The following PRSS12 variants were observed in gnomAD, a reference collection of about 807,000 sequenced individuals.
The protein encoded by PRSS12 is serine protease 12.
PRSS12 carries 85 observed loss-of-function variants against 104.4 expected under a neutral mutation model. The ratio of observed to expected loss-of-function variants is 0.81; its 90% confidence interval spans 0.68 to 0.98. The LOEUF is 0.98. PRSS12 is among the 50% of genes least tolerant of loss of function. PRSS12 has a pLI of 0.00. For synonymous variants in PRSS12, 454 were observed against 425.2 expected (o/e 1.07, Z -0.83); for missense variants, 1,141 against 1,139.2 (o/e 1.00, Z -0.02).
intron 1 of PRSS12, among the ~76,000 whole-genome samples, chr4:118,342,707 A>G (rs1260335716): frequency 6.6e-6 from 1 of 152,220 alleles, no homozygotes; most frequent in Non-Finnish European, 1.5e-5. Flanking sequence ...ACCAAAAAAG[A>G]AAAAGGTCAA....
chr4:118,283,596 C>T (rs1252298062), intron 11 of PRSS12, among the ~76,000 whole-genome samples: 1 of 152,152 alleles, frequency 6.6e-6, no homozygotes, highest in Non-Finnish European at 1.5e-5. Flanking sequence ...AATGCAAACC[C>T]AAACTATACT....
At chr4:118,302,679 G>A (rs769437089) in intron 8 of PRSS12, among the ~76,000 whole-genome samples, 12 of 152,150 alleles carry the variant, frequency 7.9e-5, no homozygotes, top group South Asian at 2.1e-4. Context: ...TGCCCGCCGC[G>A]GCCTCCCAAA....
At chr4:118,316,827 A>AG in intron 5 of PRSS12, among the ~76,000 whole-genome samples, 1 of 93,210 alleles carries the variant, frequency 1.1e-5, no homozygotes, top group Non-Finnish European at 2.3e-5. Context: ...GTCTCACGGA[A>AG]AAAAAAAAAA....
At chr4:118,299,755 T>TAAAATAAATAAATA (rs1371033737) in intron 8 of PRSS12, among the ~76,000 whole-genome samples, 2 of 81,330 alleles carry the variant, frequency 2.5e-5, no homozygotes, top group Non-Finnish European at 5.1e-5. Context: ...ATAAATAAAA[T>TAAAATAAATAAATA]AAATAAAATT....
intron 1 of PRSS12, 67 bp downstream of exon 1, chr4:118,352,152 G>A (rs1724521313): frequency 6.3e-7 from 1 of 1,592,274 alleles, no homozygotes; most frequent in Non-Finnish European, 8.5e-7. Flanking sequence ...AGACCTGTAC[G>A]CCGGCCCCAA....
At chr4:118,351,803 T>C (rs7674055) in intron 1 of PRSS12, among the ~76,000 whole-genome samples, 82,324 of 151,950 alleles carry the variant, frequency 0.54, 24,553 homozygotes, top group Admixed American at 0.72. Context: ...CACGTTAATG[T>C]AACATTTCCC....
chr4:118,352,154 C>T (rs1433382897), intron 1 of PRSS12, 65 bp downstream of exon 1: 4 of 1,595,034 alleles, frequency 2.5e-6, no homozygotes, highest in African/African-American at 2.7e-5. Flanking sequence ...ACCTGTACGC[C>T]GGCCCCAAGC....
At chr4:118,322,743 G>C (rs891541300) in intron 4 of PRSS12, among the ~76,000 whole-genome samples, 1 of 151,918 alleles carries the variant, frequency 6.6e-6, no homozygotes, top group African/African-American at 2.4e-5. Flanking sequence ...GCTTGGAGTT[G>C]TGTGCCTGAG....
rs779861589 is a variant in PRSS12, at chr4:118,308,622, C to T, written c.1490-45G>A. The T allele has an allele frequency of 8.8e-6, 14 of 1,594,074 alleles. No individual in the cohort carries two copies. The African/African-American group carries it at 1.6e-4, about 18-fold the overall frequency. ...TATTAGAACAGCCCAAACATGCAAA[C>T]TGATTCTAAAGCATGAGCGACTCTA... On this transcript the variant is annotated intron_variant, in intron 7 of 12. Transcript: ENST00000296498.
At chr4:118,350,481 C>T (rs890839391) in intron 1 of PRSS12, among the ~76,000 whole-genome samples, 6 of 152,236 alleles carry the variant, frequency 3.9e-5, no homozygotes, top group African/African-American at 1.2e-4. Flanking sequence ...CACAGTTGAT[C>T]GTTTTCCTAT....
chr4:118,352,138 CAA>C (rs1560790994), intron 1 of PRSS12, 79 bp downstream of exon 1: 13 of 1,571,314 alleles, frequency 8.3e-6, no homozygotes, highest in Non-Finnish European at 9.5e-6. Context: ...TCACTTTTTC[CAA>C]GAGACCTGTA....
At position 118,352,785 on chromosome 4, in the gene PRSS12, A is replaced by AG; in HGVS notation, c.-66dup. 1 of 1,105,026 alleles carries AG rather than the reference A, an allele frequency of 9.0e-7. No homozygotes were observed. Among genetic ancestry groups the AG allele is most frequent in the Non-Finnish European group, 1.3e-6 (1 of 791,202 alleles). The allele number at this position is 1,105,026 out of a possible 1,614,324, so 68.5% of individuals were successfully genotyped here. ...TCTCGGGCTTGGAGCGGAGAAGAGG[A>AG]GGGGGCGGGGGCGGGGCTGCCGCGT... On this transcript the variant is annotated 5_prime_UTR_variant, in exon 1 of 13. Coordinates refer to ENST00000296498, the MANE Select transcript of PRSS12 (RefSeq NM_003619.4).
Position 118,331,722 on chromosome 4 carries a change from C to A in PRSS12, c.965G>T (p.Gly322Val). Residue 322 changes from glycine (G) to valine (V), a missense_variant, in exon 4 of 13, where the codon GGC becomes GTC. Coordinates refer to ENST00000296498, the MANE Select transcript of PRSS12 (RefSeq NM_003619.4). ...ADAEVICRQL[G>V]LSGIAKAWHQ... ...AAGAGTAGTAAAAACAAACCTGAGG[C>A]CCAGCTGCCTGCAGATCACTTCTGC... 6.2e-7 allele frequency: 1 copy of A among 1,614,086 alleles called. No homozygotes were observed.
intron 7 of PRSS12, chr4:118,312,887 C>T: frequency 2.9e-6 from 1 of 341,330 alleles, no homozygotes. Context: ...GAATAAGTGA[C>T]CGAGGAGTAA....
At chr4:118,283,603 T>A (rs1223761751) in intron 11 of PRSS12, among the ~76,000 whole-genome samples, 1 of 152,224 alleles carries the variant, frequency 6.6e-6, no homozygotes, top group African/African-American at 2.4e-5. Context: ...ACCCAAACTA[T>A]ACTTTCAGAT....
chr4:118,287,186 C>G (rs1039736519), intron 11 of PRSS12, among the ~76,000 whole-genome samples: 1 of 152,046 alleles, frequency 6.6e-6, no homozygotes, highest in Non-Finnish European at 1.5e-5. Context: ...ACTCTGTTGC[C>G]CAGGCTGGAG....
chr4:118,313,513 T>C (rs1578918246), intron 6 of PRSS12, 116 bp from the exon 7 acceptor site: 1 of 1,121,346 alleles, frequency 8.9e-7, no homozygotes, highest in Non-Finnish European at 1.3e-6. Flanking sequence ...GATAAGTATC[T>C]GTTCTTTCTC....
chr4:118,298,480 T>A (rs1480960361), intron 9 of PRSS12, among the ~76,000 whole-genome samples: 1 of 152,142 alleles, frequency 6.6e-6, no homozygotes, highest in Non-Finnish European at 1.5e-5. Context: ...GAGAAATGGC[T>A]AAGAAAGTGA....
intron 8 of PRSS12, among the ~76,000 whole-genome samples, chr4:118,301,904 C>A (rs959352156): frequency 6.6e-6 from 1 of 152,016 alleles, no homozygotes; most frequent in East Asian, 1.9e-4. Context: ...TATTCTGACC[C>A]TTCCTTTTCA....
Sources: allele counts gnomAD v4.1 joint callset (sites outside exome capture counted in the v4.1 genomes callset), GRCh38; gene constraint gnomAD v4.1.1; transcripts MANE v1.5; gene names NCBI Gene and HGNC (gene_info 2026-07-23, HGNC 2026-07-21).